Variants in ATAD2B observed in about 807,000 individuals in gnomAD.
The protein encoded by ATAD2B is ATPase family AAA domain containing 2B, also known as ATPase family AAA domain-containing protein 2B.
In ATAD2B, 40 loss-of-function variants were observed where a neutral mutation model predicts 167.6. The ratio of observed to expected loss-of-function variants is 0.24; its 90% CI spans 0.19 to 0.31. ATAD2B has a LOEUF of 0.31. ATAD2B is among the 10% of genes least tolerant of loss of function. The pLI is 1.00. For missense variants in ATAD2B, 1,242 were observed against 1,757.2 expected, an observed-to-expected ratio of 0.71 and a Z score of 5.24; for synonymous variants, 579 against 596.5, an observed-to-expected ratio of 0.97 and a Z score of 0.43.
intron 19 of ATAD2B, among the ~76,000 whole-genome samples, chr2:23,797,117 A>C (rs921501615): frequency 2.0e-5 from 3 of 152,160 alleles, no homozygotes; most frequent in Admixed American, 1.3e-4. Flanking sequence ...GCTGAAACAC[A>C]AAAGAACTCA....
At chr2:23,887,694 C>T (rs1405934682) in intron 4 of ATAD2B, 138 bp downstream of exon 4, 3 of 674,220 alleles carry the variant, frequency 4.4e-6, no homozygotes, top group Non-Finnish European at 7.1e-6. Flanking sequence ...TTGAACTGAC[C>T]CACCACACCC....
chr2:23,771,329 T>G (rs1403186475), intron 22 of ATAD2B, among the ~76,000 whole-genome samples: 7 of 152,238 alleles, frequency 4.6e-5, no homozygotes, highest in Non-Finnish European at 1.0e-4. Context: ...AGCTCCAGTT[T>G]AATGTTGATA....
intron 1 of ATAD2B, among the ~76,000 whole-genome samples, chr2:23,914,908 G>C (rs1430895233): frequency 6.6e-6 from 1 of 150,976 alleles, no homozygotes; most frequent in Non-Finnish European, 1.5e-5. Flanking sequence ...AGCACATATA[G>C]AAGTAATACT....
chr2:23,827,136 A>C (rs1688376894), intron 15 of ATAD2B, among the ~76,000 whole-genome samples: 1 of 152,136 alleles, frequency 6.6e-6, no homozygotes, highest in African/African-American at 2.4e-5. Context: ...TCATAACAAA[A>C]AACAGAAGTC....
intron 1 of ATAD2B, among the ~76,000 whole-genome samples, chr2:23,896,946 T>A (rs1700234696): frequency 6.6e-6 from 1 of 152,124 alleles, no homozygotes; most frequent in Non-Finnish European, 1.5e-5. Context: ...CAGACAAGCC[T>A]GGTGAACCCA....
At chr2:23,742,207 T>C in the ATAD2B span, among the ~76,000 whole-genome samples, 2 of 152,212 alleles carry the variant, frequency 1.3e-5, no homozygotes, top group African/African-American at 4.8e-5. Flanking sequence ...TTACTGGGTA[T>C]ATACCCAAAG....
At chr2:23,872,477 C>T in intron 8 of ATAD2B, 2 of 746,448 alleles carry the variant, frequency 2.7e-6, no homozygotes, top group Non-Finnish European at 2.4e-6. Context: ...ACCCATTTCC[C>T]CTCTTTTACC....
chr2:23,717,570 TA>T, the ATAD2B span, among the ~76,000 whole-genome samples: 1 of 151,948 alleles, frequency 6.6e-6, no homozygotes, highest in Non-Finnish European at 1.5e-5. Flanking sequence ...TTCACAAAAA[TA>T]ACAGGAGAGA....
chr2:23,699,811 G>C, the ATAD2B span, among the ~76,000 whole-genome samples: 1 of 152,280 alleles, frequency 6.6e-6, no homozygotes, highest in African/African-American at 2.4e-5. Flanking sequence ...CTGCAAGGCA[G>C]CCTTTCTGGG....
chr2:23,861,791 T>C (rs933300929), intron 12 of ATAD2B, among the ~76,000 whole-genome samples: 8 of 152,226 alleles, frequency 5.3e-5, no homozygotes, highest in Admixed American at 5.2e-4. Context: ...ATGAATTCTC[T>C]TGAAGCATTC....
intron 22 of ATAD2B, among the ~76,000 whole-genome samples, chr2:23,781,884 C>T (rs549452299): frequency 4.1e-4 from 63 of 152,196 alleles, no homozygotes; most frequent in African/African-American, 1.5e-3. Context: ...ATGATCACAG[C>T]TCACTGCAGC....
the ATAD2B span, chr2:23,693,198 G>A: frequency 2.7e-6 from 4 of 1,484,108 alleles, no homozygotes; most frequent in Non-Finnish European, 3.6e-6. Context: ...GATCTAGGGT[G>A]ACAGCAATGG....
intron 17 of ATAD2B, 144 bp downstream of exon 17, chr2:23,819,603 G>C (rs1687147293): frequency 6.5e-6 from 4 of 612,892 alleles, no homozygotes. Context: ...AGAATACATA[G>C]TAAAAGTTTT....
chr2:23,791,685 C>T (rs1681753971), intron 19 of ATAD2B, among the ~76,000 whole-genome samples: 3 of 152,166 alleles, frequency 2.0e-5, no homozygotes, highest in Non-Finnish European at 4.4e-5. Context: ...TGTCTTCAAG[C>T]TTCATCCATG....
At chr2:23,693,714 C>G in the ATAD2B span, among the ~76,000 whole-genome samples, 1 of 152,186 alleles carries the variant, frequency 6.6e-6, no homozygotes, top group South Asian at 2.1e-4. Flanking sequence ...GCTGGCATTC[C>G]ACCCCAAAGG....
At chr2:23,740,769 C>T in the ATAD2B span, among the ~76,000 whole-genome samples, 7 of 152,268 alleles carry the variant, frequency 4.6e-5, no homozygotes, top group South Asian at 4.1e-4. Context: ...ATTGTCCCTG[C>T]TTGCAGATGA....
the ATAD2B span, among the ~76,000 whole-genome samples, chr2:23,737,094 C>T: frequency 6.6e-6 from 1 of 152,232 alleles, no homozygotes; most frequent in Admixed American, 6.5e-5. Context: ...GGAGGCCTGC[C>T]TGCCTCTGTA....
At chr2:23,856,362 T>C in intron 13 of ATAD2B, 1 of 265,570 alleles carries the variant, frequency 3.8e-6, no homozygotes, top group Non-Finnish European at 8.2e-6. Flanking sequence ...TCAAACAGTT[T>C]CAAATGTTGG....
chr2:23,894,771 T>G lies in ATAD2B; in HGVS notation c.368+1048A>C, dbSNP rs558956222. ...CATAATGATCCAGACCTGTTTCATC[T>G]CACAGATGTATGGGTGTGGGAAAGA... On this transcript the variant is annotated intron_variant, in intron 2 of 27. Coordinates refer to ENST00000238789, the MANE Select transcript of ATAD2B (RefSeq NM_017552.4). Among the ~76,000 whole-genome samples, 8 of 152,292 alleles carry G rather than the reference T, an allele frequency of 5.3e-5. No individual in the cohort carries two copies. The South Asian group carries it at 1.7e-3, about 32-fold the overall frequency.
Sources: allele counts gnomAD v4.1 joint callset (sites outside exome capture counted in the v4.1 genomes callset), GRCh38; gene constraint gnomAD v4.1.1; transcripts MANE v1.5; gene names NCBI Gene and HGNC (gene_info 2026-07-23, HGNC 2026-07-21).